KCNH8: variants seen among roughly 807,000 people sequenced by gnomAD.
KCNH8 encodes voltage-gated delayed rectifier potassium channel KCNH8.
Under a neutral mutation model 103.6 loss-of-function variants are expected in KCNH8, and 70 were observed. The observed-to-expected ratio is 0.68, with a 90% CI of 0.56 to 0.82. The LOEUF is 0.82. Among genes scored for constraint, KCNH8 ranks in the 40% least tolerant of loss-of-function variants. KCNH8 has a pLI of 0.00. For missense variants in KCNH8, 1,217 were observed against 1,329.9 expected, an observed-to-expected ratio of 0.92 and a Z score of 1.32; for synonymous variants, 498 against 489.4, an observed-to-expected ratio of 1.02 and a Z score of -0.23.
intron 7 of KCNH8, among the ~76,000 whole-genome samples, chr3:19,420,629 C>CA: frequency 6.6e-6 from 1 of 152,168 alleles, no homozygotes; most frequent in East Asian, 1.9e-4. Context: ...AGGAGTAATC[C>CA]ATAAAAATGA....
chr3:19,375,936 TGAG>T (rs1201923694), intron 5 of KCNH8, among the ~76,000 whole-genome samples: 3 of 152,154 alleles, frequency 2.0e-5, no homozygotes, highest in Non-Finnish European at 4.4e-5. Flanking sequence ...GGGACCCACT[TGAG>T]GAGGCAGTCT....
intron 11 of KCNH8, among the ~76,000 whole-genome samples, chr3:19,492,000 G>T (rs974143084): frequency 1.3e-5 from 2 of 151,928 alleles, no homozygotes; most frequent in African/African-American, 4.8e-5. Context: ...CATGTCTTTT[G>T]CTCACTTTTT....
intron 3 of KCNH8, among the ~76,000 whole-genome samples, chr3:19,296,792 A>G (rs1045290736): frequency 6.6e-6 from 1 of 152,122 alleles, no homozygotes; most frequent in African/African-American, 2.4e-5. Context: ...AATTGCCGCT[A>G]AAGAACTTAT....
chr3:19,360,524 C>T (rs1465277645), intron 5 of KCNH8, among the ~76,000 whole-genome samples: 2 of 152,044 alleles, frequency 1.3e-5, no homozygotes, highest in Non-Finnish European at 2.9e-5. Context: ...GCAACAGAGA[C>T]TGTGGCCAAC....
In KCNH8 at chr3:19,358,464, G is replaced by C. The variant is rs1486202983; in HGVS notation, c.811+10499G>C. Among the ~76,000 whole-genome samples, 3 of 151,898 alleles carry C rather than the reference G, an allele frequency of 2.0e-5. No individual in the cohort carries two copies. The East Asian group carries it at 5.8e-4, about 29-fold the overall frequency. On this transcript the variant is annotated intron_variant, in intron 5 of 15. Coordinates refer to ENST00000328405, the MANE Select transcript of KCNH8 (RefSeq NM_144633.3). ...ACTACTAAAATATGTTCTTTAGCAGGAAGAAAAGTGAAGCCAGAAGGAAGG... is the reference window on the plus strand; with the variant it reads ...ACTACTAAAATATGTTCTTTAGCAGCAAGAAAAGTGAAGCCAGAAGGAAGG...
rs148709907 is a variant in KCNH8, at chr3:19,322,974, T to C, written c.443-19613T>C. Reference sequence around the variant, plus strand: ...GAAGTTCTTTCTTCTACTTGTTCAATTCTGTTGCTGAGACTTTCCTGTGCA... The same window carrying C: ...GAAGTTCTTTCTTCTACTTGTTCAACTCTGTTGCTGAGACTTTCCTGTGCA... On this transcript the variant is annotated intron_variant, in intron 3 of 15. Transcript: ENST00000328405. Among the ~76,000 whole-genome samples the C allele has an allele frequency of 3.6e-3, 546 of 152,332 alleles. 4 individuals carry two copies. The highest frequency in any genetic ancestry group is 6.1e-3 in the Non-Finnish European group (412 of 68,026).
intron 1 of KCNH8, among the ~76,000 whole-genome samples, chr3:19,197,856 A>C (rs2063617489): frequency 6.6e-6 from 1 of 152,064 alleles, no homozygotes; most frequent in Non-Finnish European, 1.5e-5. Context: ...CTAAATTTTA[A>C]GTTATTTGTG....
intron 1 of KCNH8, among the ~76,000 whole-genome samples, chr3:19,221,780 C>A (rs1382968431): frequency 6.6e-6 from 1 of 151,538 alleles, no homozygotes; most frequent in African/African-American, 2.4e-5. Flanking sequence ...TAAAAACATA[C>A]AGATATTAGA....
rs55996488 is a variant in KCNH8, at chr3:19,279,568, T to TA, written c.311-1614dup. On this transcript the variant is annotated intron_variant, in intron 2 of 15. Transcript: ENST00000328405. ...TGAATGAAATGGGATGCCATAGGGC[T>TA]AAAAAAAAAAAAAAAATAAGGAGGA... Among the ~76,000 whole-genome samples, 1,401 of 142,526 alleles carry TA rather than the reference T, an allele frequency of 9.8e-3. 19 individuals carry two copies. Among genetic ancestry groups the TA allele is most frequent in the African/African-American group, 0.031 (1,205 of 38,892 alleles). The allele number at this position is 142,526 out of a possible 152,430, so 93.5% of individuals were successfully genotyped here.
intron 15 of KCNH8, among the ~76,000 whole-genome samples, chr3:19,527,490 CACA>C (rs1423799340): frequency 6.6e-6 from 1 of 151,980 alleles, no homozygotes; most frequent in Non-Finnish European, 1.5e-5. Flanking sequence ...ATTTAATCCT[CACA>C]ACAAGGCCCT....
chr3:19,470,336 T>G (rs1339091231), intron 11 of KCNH8, among the ~76,000 whole-genome samples: 1 of 152,188 alleles, frequency 6.6e-6, no homozygotes, highest in Middle Eastern at 3.2e-3. Flanking sequence ...ACTCTAAACA[T>G]TATCTCTCTG....
At chr3:19,254,640 G>C (rs1297209723) in intron 2 of KCNH8, among the ~76,000 whole-genome samples, 1 of 151,960 alleles carries the variant, frequency 6.6e-6, no homozygotes, top group Non-Finnish European at 1.5e-5. Flanking sequence ...AATTTAAGAG[G>C]GAGAAATGGG....
intron 11 of KCNH8, among the ~76,000 whole-genome samples, chr3:19,489,092 G>A (rs538175700): frequency 6.6e-6 from 1 of 152,256 alleles, no homozygotes; most frequent in Non-Finnish European, 1.5e-5. Context: ...CCAGTCTTAG[G>A]CCGTAAGCAA....
At chr3:19,163,684 C>T (rs1028658527) in intron 1 of KCNH8, among the ~76,000 whole-genome samples, 1 of 152,244 alleles carries the variant, frequency 6.6e-6, no homozygotes, top group African/African-American at 2.4e-5. Flanking sequence ...TTGAATTGCG[C>T]GAGTCCACTT....
chr3:19,451,798 G>C (rs896138655), intron 10 of KCNH8, among the ~76,000 whole-genome samples: 5 of 152,012 alleles, frequency 3.3e-5, no homozygotes, highest in Non-Finnish European at 5.9e-5. Flanking sequence ...TTAATTCAGA[G>C]AACACAAAAA....
intron 11 of KCNH8, among the ~76,000 whole-genome samples, chr3:19,466,644 AATACATT>A (rs1442153062): frequency 7.0e-6 from 1 of 143,004 alleles, no homozygotes; most frequent in Non-Finnish European, 1.5e-5. Flanking sequence ...ATTTTGTAGC[AATACATT>A]TTTTTTTTTT....
intron 11 of KCNH8, among the ~76,000 whole-genome samples, chr3:19,468,453 G>C (rs1448529137): frequency 3.3e-5 from 5 of 152,136 alleles, no homozygotes; most frequent in African/African-American, 1.2e-4. Flanking sequence ...GCCAAAAAAA[G>C]TATCAATACT....
At chr3:19,246,335 G>A (rs112345381) in intron 1 of KCNH8, among the ~76,000 whole-genome samples, 2 of 139,566 alleles carry the variant, frequency 1.4e-5, no homozygotes, top group Admixed American at 7.4e-5. Context: ...GGAGTGCAGT[G>A]GTGCGATATC....
intron 7 of KCNH8, among the ~76,000 whole-genome samples, chr3:19,409,217 A>C (rs924710938): frequency 6.6e-6 from 1 of 152,172 alleles, no homozygotes; most frequent in African/African-American, 2.4e-5. Context: ...GCCTATCTTT[A>C]ACAGTTAAAG....
Sources: allele counts gnomAD v4.1 joint callset (sites outside exome capture counted in the v4.1 genomes callset), GRCh38; gene constraint gnomAD v4.1.1; transcripts MANE v1.5; gene names NCBI Gene and HGNC (gene_info 2026-07-23, HGNC 2026-07-21).